SMARCA2: variants seen among roughly 807,000 people sequenced by gnomAD.
SMARCA2 encodes SWI/SNF related BAF chromatin remodeling complex subunit ATPase 2.
SMARCA2 carries 61 observed loss-of-function variants against 199.8 expected under a neutral mutation model. The ratio of observed to expected loss-of-function variants is 0.31; its 90% CI spans 0.25 to 0.38. The LOEUF (loss-of-function observed/expected upper bound fraction) is 0.38, where lower values mean the gene tolerates loss of function less well. Among genes scored for constraint, SMARCA2 ranks in the 10% least tolerant of loss-of-function variants. The pLI, the probability that SMARCA2 is intolerant of heterozygous loss-of-function variation, is 1.00. For synonymous variants in SMARCA2, 935 were observed against 732.0 expected (o/e 1.28, Z -4.48); for missense variants, 1,344 against 2,012.2 (o/e 0.67, Z 6.35).
At chr9:2,082,022 C>T (rs1167546933) in intron 15 of SMARCA2, 27 bp downstream of exon 15, 17 of 1,600,350 alleles carry the variant, frequency 1.1e-5, no homozygotes, top group Non-Finnish European at 1.5e-5. Flanking sequence ...ATTCCACAGT[C>T]ATCGTTCTGT....
chr9:2,138,750 GA>G (rs968130762), intron 27 of SMARCA2, among the ~76,000 whole-genome samples: 2 of 152,116 alleles, frequency 1.3e-5, no homozygotes, highest in South Asian at 4.2e-4. Context: ...ATGAAATGGG[GA>G]AAGGGGTAGG....
Position 2,146,180 on chromosome 9 carries a change from CT to C in SMARCA2, c.3982-15501del, listed in dbSNP as rs36004452. On this transcript the variant is annotated intron_variant, in intron 27 of 33. Transcript: ENST00000349721. Reference sequence around the variant, plus strand: ...CTGTTTCCTGGTTCATAGACAGTGCCTTTTTGCTGTGTCCTCACATGGTAGA... The same window carrying C: ...CTGTTTCCTGGTTCATAGACAGTGCCTTTTGCTGTGTCCTCACATGGTAGA... 2.6e-5 allele frequency among the ~76,000 whole-genome samples: 4 copies of C among 152,250 alleles called. No individual in the cohort carries two copies. In the East Asian group the frequency reaches 5.8e-4, roughly 22 times the overall value.
In SMARCA2 at chr9:2,039,827, G is replaced by T; in HGVS notation, c.717G>T (p.Pro239=). 3 of 1,608,992 alleles carry T rather than the reference G, an allele frequency of 1.9e-6. No individual in the cohort carries two copies. Among genetic ancestry groups the T allele is most frequent in the Non-Finnish European group, 2.5e-6 (3 of 1,177,906 alleles). ...AGCAGCAGCAGCAGCAACAGCAGCC[G>T]CAGCAGCAGCCGCCGCAACCACAGA... The part of the protein sequence containing the change: ...QQQQQQQQQQ[P]QQQPPQPQTQ... Residue 239 remains proline (P), a synonymous_variant, in exon 4 of 34, where the codon CCG becomes CCT. Transcript: ENST00000349721. This position sits in a 1 kb window ranked among gnomAD's most constrained non-coding sequence, Gnocchi z 4.8.
chr9:2,065,775 A>T (rs931183726), intron 9 of SMARCA2, among the ~76,000 whole-genome samples: 2 of 152,166 alleles, frequency 1.3e-5, no homozygotes, highest in African/African-American at 2.4e-5. Flanking sequence ...ATTTTCATAG[A>T]TGAAAGAAAG....
intron 9 of SMARCA2, among the ~76,000 whole-genome samples, chr9:2,063,665 G>C (rs1218286395): frequency 6.6e-6 from 1 of 152,074 alleles, no homozygotes; most frequent in Admixed American, 6.5e-5. Flanking sequence ...TATTAAAGAT[G>C]AATATGGTTG....
chr9:2,077,536 C>A, intron 13 of SMARCA2, 93 bp from the exon 14 acceptor site: 1 of 1,205,930 alleles, frequency 8.3e-7, no homozygotes, highest in Non-Finnish European at 1.2e-6. Context: ...CTTATTGCAG[C>A]TATTTTAGGT....
intron 9 of SMARCA2, among the ~76,000 whole-genome samples, chr9:2,063,343 C>T (rs77191123): frequency 6.6e-6 from 1 of 152,170 alleles, no homozygotes; most frequent in Non-Finnish European, 1.5e-5. Context: ...GCTGATTTGA[C>T]ACTTTGGATT....
chr9:2,155,033 C>T (rs1261519302), intron 27 of SMARCA2, among the ~76,000 whole-genome samples: 2 of 152,136 alleles, frequency 1.3e-5, no homozygotes, highest in Non-Finnish European at 2.9e-5. Flanking sequence ...AAGATCATCT[C>T]TCAGGTTTTT....
rs147637530 is a variant in SMARCA2, at chr9:2,132,772, T to G, written c.3981+8835T>G. Among the ~76,000 whole-genome samples the G allele has an allele frequency of 2.9e-3, 439 of 152,318 alleles. 4 individuals carry two copies. Among genetic ancestry groups the G allele is most frequent in the Middle Eastern group, 0.01 (3 of 294 alleles). On this transcript the variant is annotated intron_variant, in intron 27 of 33. Transcript: ENST00000349721. ...TTTAGGGTGGAAGTACTGAACTAAT[T>G]AAGAGTGGTAACAGTTGTGAATTGT...
At position 2,064,484 on chromosome 9, in the gene SMARCA2, A is replaced by G. The variant is rs115128091; in HGVS notation, c.1692+3498A>G. Reference sequence around the variant, plus strand: ...TTTCATCAAGCAATTCTATGATACGAAAGTGGAATCATAATTATAATACGG... The same window carrying G: ...TTTCATCAAGCAATTCTATGATACGGAAGTGGAATCATAATTATAATACGG... On this transcript the variant is annotated intron_variant, in intron 9 of 33. Transcript: ENST00000349721. Among the ~76,000 whole-genome samples the G allele has an allele frequency of 5.2e-3, 786 of 152,352 alleles. 4 individuals carry two copies. Among genetic ancestry groups the G allele is most frequent in the African/African-American group, 0.017 (720 of 41,586 alleles).
At chr9:2,040,442 G>C (rs1250302770) in intron 4 of SMARCA2, 2 of 156,518 alleles carry the variant, frequency 1.3e-5, no homozygotes, top group Non-Finnish European at 1.4e-5. Context: ...AAGAAAGTAG[G>C]GCTGCAAAAG....
At chr9:2,143,657 C>T (rs924903502) in intron 27 of SMARCA2, among the ~76,000 whole-genome samples, 1 of 152,146 alleles carries the variant, frequency 6.6e-6, no homozygotes, top group African/African-American at 2.4e-5. Flanking sequence ...ATAAGGGAAA[C>T]TGATCATTTT....
chr9:2,083,983 A>G (rs773157276), intron 16 of SMARCA2, 103 bp from the exon 17 acceptor site: 1 of 658,582 alleles, frequency 1.5e-6, no homozygotes, highest in African/African-American at 1.8e-5. Flanking sequence ...GTGTCTGTGC[A>G]TTCTTCAGTC....
At chr9:2,156,735 G>T (rs886527250) in intron 27 of SMARCA2, among the ~76,000 whole-genome samples, 1 of 152,038 alleles carries the variant, frequency 6.6e-6, no homozygotes, top group Admixed American at 6.6e-5. Context: ...CTGGCCCATT[G>T]TAGCCATTTC....
At chr9:2,174,424 G>A (rs910823354) in intron 29 of SMARCA2, among the ~76,000 whole-genome samples, 5 of 152,138 alleles carry the variant, frequency 3.3e-5, no homozygotes, top group Non-Finnish European at 7.4e-5. Context: ...CACCTAATAT[G>A]TCTTCCTTGA....
chr9:2,109,085 G>T (rs911329566), intron 23 of SMARCA2, among the ~76,000 whole-genome samples: 13 of 152,286 alleles, frequency 8.5e-5, no homozygotes, highest in Admixed American at 5.2e-4. Context: ...CCATGTTTGA[G>T]AACTTGGCCC....
chr9:2,135,078 G>A (rs1274792125), intron 27 of SMARCA2, among the ~76,000 whole-genome samples: 2 of 152,194 alleles, frequency 1.3e-5, no homozygotes, highest in Admixed American at 6.5e-5. Flanking sequence ...TGGAGACCCA[G>A]GAAAGCCAAT....
chr9:2,127,796 G>T (rs3829072), intron 27 of SMARCA2, among the ~76,000 whole-genome samples: 1 of 152,130 alleles, frequency 6.6e-6, no homozygotes, highest in Admixed American at 6.5e-5. Flanking sequence ...TTCTTTGCCA[G>T]TGGTGTTTTG....
At position 2,192,664 on chromosome 9, in the gene SMARCA2, G is replaced by T. The variant is rs369718703; in HGVS notation, c.4738-40G>T. 6 of 1,405,458 alleles carry T rather than the reference G, an allele frequency of 4.3e-6. No individual in the cohort carries two copies. The African/African-American group carries it at 8.5e-5, about 20-fold the overall frequency. 87.1% of individuals were successfully genotyped at this position (1,405,458 alleles called of 1,614,324 possible). A position where few individuals can be genotyped will look rare whatever the true frequency, so the allele number is the denominator to read the frequency against. On this transcript the variant is annotated intron_variant, in intron 33 of 33. Coordinates refer to ENST00000349721, the MANE Select transcript of SMARCA2 (RefSeq NM_003070.5). Reference sequence around the variant, plus strand: ...TTGTTATATCTTCTTTTTCTTGCATGTGATGTTACTTCATTTTATCTTCTT... The same window carrying T: ...TTGTTATATCTTCTTTTTCTTGCATTTGATGTTACTTCATTTTATCTTCTT...
Sources: gnomAD v4.1 joint callset for allele counts (sites outside exome capture counted in the v4.1 genomes callset) on GRCh38, gnomAD v4.1.1 for gene constraint, Gnocchi (gnomAD v3.1) non-coding constraint, MANE v1.5 for transcripts, NCBI Gene and HGNC (gene_info 2026-07-23, HGNC 2026-07-21) for gene names.